The following DOCK10 variants were observed in gnomAD, a reference collection of about 807,000 sequenced individuals.
DOCK10 encodes dedicator of cytokinesis protein 10.
In DOCK10, 145 loss-of-function variants were observed where a neutral mutation model predicts 280.1. The observed-to-expected ratio is 0.52, with a 90% CI of 0.45 to 0.59. The LOEUF (loss-of-function observed/expected upper bound fraction) is 0.59, where lower values mean the gene tolerates loss of function less well. Among genes scored for constraint, DOCK10 ranks in the 20% least tolerant of loss-of-function variants. The probability of loss-of-function intolerance (pLI) is 0.00; values close to 1 mark genes in which losing one functional copy is unlikely to be tolerated. For missense variants in DOCK10, 2,368 were observed against 2,651.7 expected (o/e 0.89, Z 2.35); for synonymous variants, 915 against 942.2 (o/e 0.97, Z 0.53).
At chr2:224,793,922 C>T (rs1692379049) in intron 45 of DOCK10, among the ~76,000 whole-genome samples, 1 of 152,100 alleles carries the variant, frequency 6.6e-6, no homozygotes, top group African/African-American at 2.4e-5. Flanking sequence ...ACTTGATTGA[C>T]TAGTGTGACA....
Position 224,928,200 on chromosome 2 carries a change from G to A in DOCK10, c.243+3349C>T, listed in dbSNP as rs149703146. Among the ~76,000 whole-genome samples, 5 of 152,292 alleles carry A rather than the reference G, an allele frequency of 3.3e-5. No homozygotes were observed. In the East Asian group the frequency reaches 9.6e-4, roughly 29 times the overall value. On this transcript the variant is annotated intron_variant, in intron 2 of 55. Coordinates refer to ENST00000258390, the MANE Select transcript of DOCK10 (RefSeq NM_014689.3). ...CACGCCTATATTCCACAAAGAGTGT[G>A]AGGATAAAAACCAAAAATGCATGCA...
At chr2:224,923,675 G>A (rs544386063) in intron 2 of DOCK10, among the ~76,000 whole-genome samples, 101 of 152,304 alleles carry the variant, frequency 6.6e-4, no homozygotes, top group Middle Eastern at 3.4e-3. Flanking sequence ...CTGGCTGCCC[G>A]CATTTCTCCT....
At chr2:224,983,692 A>T (rs1226983389) in intron 1 of DOCK10, 1 of 463,008 alleles carries the variant, frequency 2.2e-6, no homozygotes, top group East Asian at 7.0e-5. Context: ...ACAACACAGC[A>T]TCGTTTTAAT....
In DOCK10 at chr2:224,974,819, A is replaced by AATAT. The variant is rs148414737; in HGVS notation, c.124-43155_124-43152dup. Among the ~76,000 whole-genome samples the AATAT allele has an allele frequency of 1.3e-3, 168 of 132,352 alleles. 6 individuals are homozygous for AATAT. Among genetic ancestry groups the AATAT allele is most frequent in the African/African-American group, 3.2e-3 (126 of 38,806 alleles). 86.8% of individuals were successfully genotyped at this position (132,352 alleles called of 152,430 possible). On this transcript the variant is annotated intron_variant, in intron 1 of 55. Coordinates refer to ENST00000258390, the MANE Select transcript of DOCK10 (RefSeq NM_014689.3). ...TATATATCATATATATTATATATAT[A>AATAT]ATATATATATATTATATATAACATA... is the stretch of plus-strand genomic sequence containing the variant.
intron 2 of DOCK10, among the ~76,000 whole-genome samples, chr2:224,922,448 T>G (rs1559772324): frequency 6.6e-6 from 1 of 152,214 alleles, no homozygotes; most frequent in Non-Finnish European, 1.5e-5. Context: ...GCAGTGGAAC[T>G]CAGCTGAGCT....
chr2:224,863,467 T>TTTTTTTTG (rs1697661351), intron 13 of DOCK10, among the ~76,000 whole-genome samples: 1 of 152,160 alleles, frequency 6.6e-6, no homozygotes, highest in African/African-American at 2.4e-5. Flanking sequence ...CTTTTTTTTT[T>TTTTTTTTG]AGACGGAGTC....
chr2:224,953,374 G>A (rs1303007365), intron 1 of DOCK10, among the ~76,000 whole-genome samples: 1 of 152,144 alleles, frequency 6.6e-6, no homozygotes, highest in Non-Finnish European at 1.5e-5. Context: ...TCTGTCATAG[G>A]AAAAACAAGA....
chr2:224,965,575 C>T (rs1216185244), intron 1 of DOCK10, among the ~76,000 whole-genome samples: 2 of 152,152 alleles, frequency 1.3e-5, no homozygotes, highest in Non-Finnish European at 2.9e-5. Flanking sequence ...AGATTGTATT[C>T]ACTTAATACA....
intron 1 of DOCK10, among the ~76,000 whole-genome samples, chr2:224,945,059 A>G (rs1703317711): frequency 6.6e-6 from 1 of 152,134 alleles, no homozygotes; most frequent in Non-Finnish European, 1.5e-5. Context: ...CCTCTTGCCA[A>G]CACTGTATGA....
intron 1 of DOCK10, among the ~76,000 whole-genome samples, chr2:224,998,356 A>T (rs1575156774): frequency 1.3e-5 from 2 of 152,198 alleles, no homozygotes; most frequent in East Asian, 3.8e-4. Flanking sequence ...ATTCAGGAGC[A>T]TCGGGGTTTT....
At chr2:224,961,484 C>CTTTCTTTCTTTCTTTCTT (rs1412409913) in intron 1 of DOCK10, among the ~76,000 whole-genome samples, 3 of 67,204 alleles carry the variant, frequency 4.5e-5, no homozygotes, top group East Asian at 7.8e-4. Context: ...TTCTTTCTTT[C>CTTTCTTTCTTTCTTTCTT]TCTTTCTTTC....
chr2:224,975,922 G>C lies in DOCK10; in HGVS notation c.124-44254C>G, dbSNP rs552067485. Among the ~76,000 whole-genome samples the C allele has an allele frequency of 1.1e-4, 17 of 152,204 alleles. No homozygotes were observed. The South Asian group carries it at 3.5e-3, about 32-fold the overall frequency. On this transcript the variant is annotated intron_variant, in intron 1 of 55. Coordinates refer to ENST00000258390, the MANE Select transcript of DOCK10 (RefSeq NM_014689.3). Reference sequence around the variant, plus strand: ...CCCTCACTGGCCTCTCTTGTTCACTGTACCACCTTTTTTTGGGTGTGGAAC... The same window carrying C: ...CCCTCACTGGCCTCTCTTGTTCACTCTACCACCTTTTTTTGGGTGTGGAAC...
At position 224,874,723 on chromosome 2, in the gene DOCK10, T is replaced by G. The variant is rs114242232; in HGVS notation, c.960A>C (p.Glu320Asp). The G allele has an allele frequency of 3.6e-4, 577 of 1,613,942 alleles. 2 individuals are homozygous for G. The African/African-American group carries it at 7.0e-3, about 20-fold the overall frequency. The change falls in exon 9 of 56, where the codon GAA (glutamate) becomes GAC (aspartate). Residue 320 changes from glutamate (E) to aspartate (D), a missense_variant. This residue lies in a region of DOCK10 where 1,209 missense variants were observed against 1,250.9 expected (regional missense o/e 0.97). Transcript: ENST00000258390. ...LDSLDNSVTC[E>D]CTPEETDSSE... is the part of the protein sequence containing the mutation. ...AAGAATCTGTTTCCTCTGGCGTGCA[T>G]TCACAAGTTACAGAATTATCCAGCG...
At chr2:225,020,255 G>T (rs1478824985) in intron 1 of DOCK10, among the ~76,000 whole-genome samples, 1 of 151,998 alleles carries the variant, frequency 6.6e-6, no homozygotes, top group Non-Finnish European at 1.5e-5. Context: ...TATTATAACT[G>T]TATGTCCTTG....
intron 1 of DOCK10, among the ~76,000 whole-genome samples, chr2:225,016,547 ATGCACATAGATACATATATCTATG>A (rs1559962588): frequency 3.9e-4 from 46 of 117,708 alleles, no homozygotes; most frequent in South Asian, 8.6e-4. Flanking sequence ...ATATATCTAT[ATGCACATAGATACATATATCTATG>A]TGCACATAGA....
intron 1 of DOCK10, among the ~76,000 whole-genome samples, chr2:224,966,328 C>T (rs1291413727): frequency 8.4e-6 from 1 of 119,692 alleles, no homozygotes; most frequent in Non-Finnish European, 1.6e-5. Flanking sequence ...GTCGTCTTAT[C>T]CTCCCTATAG....
intron 1 of DOCK10, among the ~76,000 whole-genome samples, chr2:224,961,444 T>TTCTTTC (rs1704420912): frequency 1.5e-5 from 2 of 131,790 alleles, no homozygotes; most frequent in Admixed American, 8.2e-5. Context: ...CTTTCTTTCT[T>TTCTTTC]TCTTTCTTTC....
At chr2:224,771,038 C>A (rs1690408036) in intron 53 of DOCK10, among the ~76,000 whole-genome samples, 1 of 152,090 alleles carries the variant, frequency 6.6e-6, no homozygotes, top group Non-Finnish European at 1.5e-5. Context: ...TCAAGTAATC[C>A]TCTCGCCTCA....
rs535814300 is a variant in DOCK10, at chr2:224,881,025, A to G, written c.747+4646T>C. On this transcript the variant is annotated intron_variant, in intron 7 of 55. Coordinates refer to ENST00000258390, the MANE Select transcript of DOCK10 (RefSeq NM_014689.3). ...AGTCACACAGAACTGAAAAAATTCA[A>G]GTAAAGTGCTTTCCCTCATTGAACT... Among the ~76,000 whole-genome samples the G allele has an allele frequency of 8.5e-5, 13 of 152,350 alleles. No individual in the cohort carries two copies. The South Asian group carries it at 2.7e-3, about 32-fold the overall frequency.
Sources: gnomAD v4.1 joint callset for allele counts (sites outside exome capture counted in the v4.1 genomes callset) on GRCh38, gnomAD v4.1.1 for gene constraint, gnomAD v4.1.1 regional missense constraint, MANE v1.5 for transcripts, NCBI Gene and HGNC (gene_info 2026-07-23, HGNC 2026-07-21) for gene names.